The following SLC25A26 variants were observed in gnomAD, a reference collection of about 807,000 sequenced individuals.
The protein encoded by SLC25A26 is solute carrier family 25 member 26, also known as mitochondrial S-adenosylmethionine carrier protein.
A neutral mutation model predicts 37.8 loss-of-function variants in SLC25A26; 36 were observed. That is an observed-to-expected ratio of 0.95 (90% CI 0.73 to 1.26). SLC25A26 has a LOEUF of 1.26. Among genes scored for constraint, SLC25A26 ranks in the 50% most tolerant of loss-of-function variants. The pLI is 0.00. For synonymous variants in SLC25A26, 129 were observed against 122.5 expected (o/e 1.05, Z -0.35); for missense variants, 390 against 331.1 (o/e 1.18, Z -1.38).
chr3:66,155,008 C>G (rs2070262117), intron 1 of SLC25A26, among the ~76,000 whole-genome samples: 1 of 152,162 alleles, frequency 6.6e-6, no homozygotes, highest in African/African-American at 2.4e-5. Flanking sequence ...TTTGTTTAGC[C>G]CAACACCATT....
chr3:66,277,137 A>G (rs1425395608), intron 5 of SLC25A26, among the ~76,000 whole-genome samples: 6 of 152,092 alleles, frequency 3.9e-5, no homozygotes, highest in Admixed American at 3.9e-4. Context: ...AAGACACACA[A>G]AAAAGATTAC....
chr3:66,332,360 A>G (rs554006316), intron 5 of SLC25A26, among the ~76,000 whole-genome samples: 1 of 152,178 alleles, frequency 6.6e-6, no homozygotes, highest in Non-Finnish European at 1.5e-5. Flanking sequence ...ACTTTGCCGT[A>G]CATCTGTTTT....
upstream of SLC25A26, among the ~76,000 whole-genome samples, chr3:66,216,132 C>T (rs1367247031): frequency 6.6e-6 from 1 of 152,176 alleles, no homozygotes; most frequent in Non-Finnish European, 1.5e-5. Flanking sequence ...CTCCTAAAAG[C>T]CCCACCTCTT....
intron 5 of SLC25A26, among the ~76,000 whole-genome samples, chr3:66,305,764 C>A (rs1005033120): frequency 6.6e-6 from 1 of 152,104 alleles, no homozygotes; most frequent in Non-Finnish European, 1.5e-5. Flanking sequence ...AGTGAACATA[C>A]ATGTGCGTGT....
Position 66,171,050 on chromosome 3 carries a change from G to A in SLC25A26, c.-354+37066G>A, listed in dbSNP as rs188210639. Among the ~76,000 whole-genome samples the A allele has an allele frequency of 7.7e-3, 1,172 of 151,800 alleles. 18 individuals carry two copies. Among genetic ancestry groups the A allele is most frequent in the African/African-American group, 0.027 (1,113 of 41,352 alleles). On this transcript the variant is annotated intron_variant, in intron 1 of 10. Transcript: ENST00000676754. ...GATCTCCTGACCTCGTGATCCGCCC[G>A]CCTCGGCCTCCCAAAGTGCTGGGAT...
chr3:66,371,410 G>GT, intron 9 of SLC25A26: 1 of 1,492,656 alleles, frequency 6.7e-7, no homozygotes, highest in Non-Finnish European at 9.0e-7. Context: ...AGGACATGAA[G>GT]TAGGTGAGTC....
At chr3:66,282,978 C>T (rs1017975181) in intron 5 of SLC25A26, among the ~76,000 whole-genome samples, 15 of 152,178 alleles carry the variant, frequency 9.9e-5, no homozygotes, top group African/African-American at 4.8e-5. Flanking sequence ...TGTCACTCAG[C>T]GTAATGCCTT....
chr3:66,346,338 A>T (rs773081103), intron 5 of SLC25A26, 26 bp from the exon 6 acceptor site: 2 of 1,386,500 alleles, frequency 1.4e-6, no homozygotes, highest in Non-Finnish European at 2.0e-6. Flanking sequence ...TGCCTAATTT[A>T]TTTAATTTTT....
intron 5 of SLC25A26, among the ~76,000 whole-genome samples, chr3:66,286,398 G>GT (rs951516322): frequency 3.3e-5 from 5 of 151,802 alleles, no homozygotes; most frequent in South Asian, 2.1e-4. Context: ...CTCAAAGTTT[G>GT]TTTTTTGCAT....
At chr3:66,184,051 C>A (rs1293146920) in intron 1 of SLC25A26, among the ~76,000 whole-genome samples, 1 of 152,182 alleles carries the variant, frequency 6.6e-6, no homozygotes, top group Middle Eastern at 3.4e-3. Context: ...GGCCCTGTCT[C>A]TGAACCCCAC....
chr3:66,295,660 C>T (rs535775023), intron 5 of SLC25A26, among the ~76,000 whole-genome samples: 10 of 151,842 alleles, frequency 6.6e-5, no homozygotes, highest in African/African-American at 2.4e-4. Context: ...CTCGGCCTCC[C>T]GAAGATTTTT....
At chr3:66,311,888 C>T (rs146133498) in intron 5 of SLC25A26, among the ~76,000 whole-genome samples, 1 of 152,116 alleles carries the variant, frequency 6.6e-6, no homozygotes, top group African/African-American at 2.4e-5. Context: ...GGGCACATAC[C>T]AGATGCCAGC....
At chr3:66,218,870 G>A (rs917863556), upstream of SLC25A26, among the ~76,000 whole-genome samples, 145,149 of 152,304 alleles carry the variant, frequency 0.95, 69,576 homozygotes, top group East Asian at 1. Context: ...CTGCGGTCAT[G>A]ATCAAGTTTT....
intron 5 of SLC25A26, among the ~76,000 whole-genome samples, chr3:66,295,685 A>G (rs1004978736): frequency 3.3e-5 from 5 of 151,826 alleles, no homozygotes; most frequent in Non-Finnish European, 5.9e-5. Context: ...TTTTTAATAG[A>G]GACGAGGTTT....
At chr3:66,154,729 G>C (rs889639116) in intron 1 of SLC25A26, among the ~76,000 whole-genome samples, 1 of 151,932 alleles carries the variant, frequency 6.6e-6, no homozygotes, top group African/African-American at 2.4e-5. Flanking sequence ...CGATCCACCC[G>C]CCACGGCCTC....
intron 5 of SLC25A26, among the ~76,000 whole-genome samples, chr3:66,266,548 T>C (rs1269774890): frequency 6.6e-6 from 1 of 151,752 alleles, no homozygotes; most frequent in African/African-American, 2.4e-5. Context: ...AGATTCGGTG[T>C]TCTTTAGATT....
intron 5 of SLC25A26, among the ~76,000 whole-genome samples, chr3:66,305,275 G>A (rs1392565924): frequency 6.6e-6 from 1 of 152,146 alleles, no homozygotes; most frequent in African/African-American, 2.4e-5. Flanking sequence ...GACAACAGGA[G>A]AACATGTCTT....
intron 1 of SLC25A26, among the ~76,000 whole-genome samples, chr3:66,138,935 G>T (rs769080468): frequency 1.1e-4 from 16 of 152,116 alleles, no homozygotes; most frequent in Admixed American, 4.6e-4. Flanking sequence ...TTCTTTTTGA[G>T]ATTCTTTTTT....
At chr3:66,227,979 A>G (rs1420111746) in intron 1 of SLC25A26, among the ~76,000 whole-genome samples, 1 of 152,204 alleles carries the variant, frequency 6.6e-6, no homozygotes, top group East Asian at 1.9e-4. Context: ...AGTAAAGGGC[A>G]TCTTTAAAGA....
Sources: allele counts gnomAD v4.1 joint callset (sites outside exome capture counted in the v4.1 genomes callset), GRCh38; gene constraint gnomAD v4.1.1; transcripts MANE v1.5; gene names NCBI Gene and HGNC (gene_info 2026-07-23, HGNC 2026-07-21).